The following SCML4 variants were observed in gnomAD, a reference collection of about 807,000 sequenced individuals.
The protein encoded by SCML4 is sex comb on midleg-like protein 4.
SCML4 carries 34 observed loss-of-function variants against 41.1 expected under a neutral mutation model. The ratio of observed to expected loss-of-function variants is 0.83; its 90% CI spans 0.63 to 1.10. SCML4 has a LOEUF of 1.10. Ranked by LOEUF, SCML4 falls within the 50% of genes least tolerant of loss-of-function variation. The pLI, the probability that SCML4 is intolerant of heterozygous loss-of-function variation, is 0.00. For synonymous variants in SCML4, 214 were observed against 220.9 expected, an observed-to-expected ratio of 0.97 and a Z score of 0.28; for missense variants, 522 against 534.1, an observed-to-expected ratio of 0.98 and a Z score of 0.22.
intron 5 of SCML4, among the ~76,000 whole-genome samples, chr6:107,741,642 A>G (rs577529330): frequency 1.3e-5 from 2 of 152,348 alleles, no homozygotes; most frequent in Admixed American, 6.5e-5. Flanking sequence ...ACAAGCCCCT[A>G]GCCAGCCTTC....
intron 5 of SCML4, among the ~76,000 whole-genome samples, chr6:107,732,899 G>A (rs1329039194): frequency 6.6e-6 from 1 of 152,216 alleles, no homozygotes; most frequent in Non-Finnish European, 1.5e-5. Flanking sequence ...AGGACGCCTT[G>A]TAAGTTTCCT....
intron 1 of SCML4, 57 bp from the exon 2 acceptor site, chr6:107,772,443 C>G: frequency 9.9e-7 from 1 of 1,008,150 alleles, no homozygotes; most frequent in Non-Finnish European, 1.4e-6. Flanking sequence ...GTTTGGTTTG[C>G]AAGGCAAACA....
the SCML4 span, among the ~76,000 whole-genome samples, chr6:107,831,411 C>CAAAA: frequency 1.0e-4 from 11 of 107,462 alleles, no homozygotes; most frequent in East Asian, 3.0e-4. Context: ...TTTTCATTCT[C>CAAAA]AAAAAAAAAA....
intron 1 of SCML4, among the ~76,000 whole-genome samples, chr6:107,790,061 C>T (rs142758822): frequency 6.6e-6 from 1 of 152,164 alleles, no homozygotes; most frequent in Non-Finnish European, 1.5e-5. Flanking sequence ...TCTAGTCCAG[C>T]CTTTCAGCAC....
At position 107,772,219 on chromosome 6, in the gene SCML4, G is replaced by A. The variant is rs2114571530; in HGVS notation, c.109C>T (p.Pro37Ser). The A allele has an allele frequency of 6.4e-7, 1 of 1,551,630 alleles. No individual in the cohort carries two copies. Among genetic ancestry groups the A allele is most frequent in the Non-Finnish European group, 8.7e-7 (1 of 1,146,978 alleles). ...NLYSASAGSL[P>S]AVKIPKKRGR... ...CTTTTCTTTGGGATCTTCACTGCTG[G>A]TAAAGAGCCAGCTGAAGCAGAATAA... Residue 37 changes from proline (P) to serine (S), a missense_variant, in exon 2 of 8, where the codon CCA (proline) becomes TCA (serine). Transcript: ENST00000369020.
At chr6:107,794,673 C>T (rs961953754) in intron 1 of SCML4, among the ~76,000 whole-genome samples, 2 of 152,128 alleles carry the variant, frequency 1.3e-5, no homozygotes, top group Admixed American at 6.5e-5. Flanking sequence ...TGGTTGAATA[C>T]TTACTTCGAT....
At chr6:107,772,480 AC>A (rs1366378099) in intron 1 of SCML4, 94 bp from the exon 2 acceptor site, 2 of 653,902 alleles carry the variant, frequency 3.1e-6, no homozygotes, top group Non-Finnish European at 2.5e-6. Context: ...TTTTGGCGAT[AC>A]CTACCACTTA....
chr6:107,815,465 A>C (rs1444203886), intron 1 of SCML4, among the ~76,000 whole-genome samples: 1 of 152,270 alleles, frequency 6.6e-6, no homozygotes, highest in Non-Finnish European at 1.5e-5. Context: ...GAATGCCATT[A>C]GTGCATAAAT....
At chr6:107,762,202 C>T (rs1583517510) in intron 2 of SCML4, among the ~76,000 whole-genome samples, 1 of 152,020 alleles carries the variant, frequency 6.6e-6, no homozygotes, top group Non-Finnish European at 1.5e-5. Context: ...AGTAAGCATG[C>T]TGTAATTTTT....
At chr6:107,715,078 G>A (rs1774634433) in intron 6 of SCML4, among the ~76,000 whole-genome samples, 1 of 150,072 alleles carries the variant, frequency 6.7e-6, no homozygotes, top group Non-Finnish European at 1.5e-5. Context: ...AGGTTCAAGC[G>A]ATTCTCGAGC....
chr6:107,796,818 C>T (rs568503816), intron 1 of SCML4, among the ~76,000 whole-genome samples: 43 of 152,224 alleles, frequency 2.8e-4, no homozygotes, highest in Admixed American at 1.9e-3. Flanking sequence ...GTACTTATCA[C>T]ATTATCACAC....
upstream of SCML4, among the ~76,000 whole-genome samples, chr6:107,827,044 CAG>C (rs1307135608): frequency 6.6e-6 from 1 of 151,356 alleles, no homozygotes; most frequent in Non-Finnish European, 1.5e-5. Context: ...GCCTGGGCGA[CAG>C]AGCGAGACTC....
At chr6:107,777,567 G>A (rs1781058774) in intron 1 of SCML4, among the ~76,000 whole-genome samples, 1 of 152,082 alleles carries the variant, frequency 6.6e-6, no homozygotes, top group Non-Finnish European at 1.5e-5. Context: ...AACAGTTTTT[G>A]TTCTTGAGCC....
chr6:107,820,755 A>G lies in SCML4; in HGVS notation c.-60+3371T>C, dbSNP rs545151086. Among the ~76,000 whole-genome samples the G allele has an allele frequency of 1.3e-5, 2 of 152,336 alleles. 1 individual carries two copies. Among genetic ancestry groups the G allele is most frequent in the East Asian group, 3.9e-4 (2 of 5,186 alleles). ...TATCAACAAATGCAGGGTTCCCCAC[A>G]GCGATTTACAGCAGAGACTCTAGTA... On this transcript the variant is annotated intron_variant, in intron 1 of 7. Coordinates refer to ENST00000369020, the MANE Select transcript of SCML4 (RefSeq NM_198081.5).
chr6:107,746,675 GC>G lies in SCML4; in HGVS notation c.487+13del. 2 of 1,611,484 alleles carry G rather than the reference GC, an allele frequency of 1.2e-6. No individual in the cohort carries two copies. The highest frequency in any genetic ancestry group is 1.7e-6 in the Non-Finnish European group (2 of 1,178,122). On this transcript the variant is annotated intron_variant, in intron 4 of 7. Coordinates refer to ENST00000369020, the MANE Select transcript of SCML4 (RefSeq NM_198081.5). ...CATCCATGGCCTCCTCATGCAACCT[GC>G]CCCAGGCCTTACCTGACACCATCTC...
At chr6:107,807,877 G>T (rs1316340817) in intron 1 of SCML4, among the ~76,000 whole-genome samples, 1 of 152,164 alleles carries the variant, frequency 6.6e-6, no homozygotes, top group Admixed American at 6.5e-5. Context: ...AAAATGACTA[G>T]GTTGTTGCCA....
chr6:107,822,508 C>CTTT (rs10677944), intron 1 of SCML4, among the ~76,000 whole-genome samples: 1 of 137,998 alleles, frequency 7.2e-6, no homozygotes, highest in Admixed American at 7.2e-5. Context: ...TTTTTCTTTT[C>CTTT]TTTTTTTTTT....
At chr6:107,789,177 G>A (rs906279589) in intron 1 of SCML4, among the ~76,000 whole-genome samples, 13 of 152,180 alleles carry the variant, frequency 8.5e-5, no homozygotes, top group Non-Finnish European at 1.8e-4. Context: ...CCCTCAAAGG[G>A]AAGTACTGGC....
chr6:107,845,160 C>T, the SCML4 span, among the ~76,000 whole-genome samples: 4 of 152,084 alleles, frequency 2.6e-5, no homozygotes, highest in South Asian at 6.2e-4. Context: ...CGCTTGAACC[C>T]AGGAGGCAGA....
Sources: gnomAD v4.1 joint callset for allele counts (sites outside exome capture counted in the v4.1 genomes callset) on GRCh38, gnomAD v4.1.1 for gene constraint, MANE v1.5 for transcripts, NCBI Gene and HGNC (gene_info 2026-07-23, HGNC 2026-07-21) for gene names.